Variants in TMEM135 observed in about 807,000 individuals in gnomAD.
TMEM135 encodes transmembrane protein 135.
TMEM135 carries 30 observed loss-of-function variants against 60.3 expected under a neutral mutation model. The observed-to-expected ratio is 0.50, with a 90% CI of 0.37 to 0.68. The LOEUF is 0.68. Among genes scored for constraint, TMEM135 ranks in the 30% least tolerant of loss-of-function variants. The probability of loss-of-function intolerance (pLI) is 0.00; values close to 1 mark genes in which losing one functional copy is unlikely to be tolerated. For missense variants in TMEM135, 468 were observed against 548.8 expected, an observed-to-expected ratio of 0.85 and a Z score of 1.47; for synonymous variants, 190 against 186.7, an observed-to-expected ratio of 1.02 and a Z score of -0.14.
At chr11:87,313,327 G>C in intron 10 of TMEM135, 98 bp from the exon 11 acceptor site, 1 of 981,782 alleles carries the variant, frequency 1.0e-6, no homozygotes, top group Non-Finnish European at 1.6e-6. Context: ...TGGCCTGCAA[G>C]GTAATCTGAT....
At chr11:87,170,212 C>A (rs993392220) in intron 5 of TMEM135, among the ~76,000 whole-genome samples, 2 of 152,108 alleles carry the variant, frequency 1.3e-5, no homozygotes, top group African/African-American at 4.8e-5. Context: ...TTTTTAGCTT[C>A]CTTGCATTGG....
intron 5 of TMEM135, among the ~76,000 whole-genome samples, chr11:87,208,246 T>C (rs906518677): frequency 6.6e-6 from 1 of 152,136 alleles, no homozygotes; most frequent in African/African-American, 2.4e-5. Context: ...ATGTCAGACA[T>C]AGAATTCAGA....
chr11:87,061,022 A>C (rs1949941642), intron 1 of TMEM135, among the ~76,000 whole-genome samples: 1 of 152,152 alleles, frequency 6.6e-6, no homozygotes, highest in African/African-American at 2.4e-5. Flanking sequence ...GGAGATTGAA[A>C]TCTAAAGAGC....
At chr11:87,185,935 G>A (rs1468467273) in intron 5 of TMEM135, among the ~76,000 whole-genome samples, 1 of 81,688 alleles carries the variant, frequency 1.2e-5, no homozygotes, top group East Asian at 2.4e-4. Flanking sequence ...TGAGACAGAG[G>A]TTCATTCTGT....
intron 4 of TMEM135, among the ~76,000 whole-genome samples, chr11:87,145,032 G>A (rs1261713950): frequency 6.6e-6 from 1 of 152,024 alleles, no homozygotes; most frequent in Non-Finnish European, 1.5e-5. Context: ...TCACCATGTA[G>A]TGCAATAGTA....
At chr11:87,172,412 A>G (rs520755) in intron 5 of TMEM135, among the ~76,000 whole-genome samples, 55,930 of 151,528 alleles carry the variant, frequency 0.37, 10,855 homozygotes, top group East Asian at 0.67. Context: ...TTAGCAAGAA[A>G]GAAAAGTAGG....
chr11:87,088,035 G>T (rs1179397455), intron 3 of TMEM135, among the ~76,000 whole-genome samples: 1 of 152,124 alleles, frequency 6.6e-6, no homozygotes, highest in African/African-American at 2.4e-5. Context: ...ACCACACCTG[G>T]TTCAGATGAG....
chr11:87,328,210 A>G lies in TMEM135; in HGVS notation c.*6877A>G, dbSNP rs538526065. 1.1e-5 allele frequency: 5 copies of G among 454,036 alleles called. No individual in the cohort carries two copies. The highest frequency in any genetic ancestry group is 1.0e-4 in the African/African-American group (5 of 50,086). The allele number at this position is 454,036 out of a possible 1,614,324, so 28.1% of individuals were successfully genotyped here. A position where few individuals can be genotyped will look rare whatever the true frequency, so the allele number is the denominator to read the frequency against. On this transcript the variant is annotated 3_prime_UTR_variant, in exon 15 of 15. Coordinates refer to ENST00000305494, the MANE Select transcript of TMEM135 (RefSeq NM_022918.4). ...AGATCTCAGTTTCATTTCCCATTATATCCTTCTCTCTCTTGATTTAGAATT... is the reference window on the plus strand; with the variant it reads ...AGATCTCAGTTTCATTTCCCATTATGTCCTTCTCTCTCTTGATTTAGAATT...
At chr11:87,166,821 G>T (rs3021351) in intron 5 of TMEM135, among the ~76,000 whole-genome samples, 1 of 151,794 alleles carries the variant, frequency 6.6e-6, no homozygotes, top group African/African-American at 2.4e-5. Context: ...ATTTAAAGTA[G>T]TTTTTTCTAA....
intron 3 of TMEM135, among the ~76,000 whole-genome samples, chr11:87,077,759 A>T (rs1423430385): frequency 6.6e-6 from 1 of 152,144 alleles, no homozygotes; most frequent in African/African-American, 2.4e-5. Flanking sequence ...CTAATCCTTC[A>T]TCCTCCTCAC....
intron 4 of TMEM135, among the ~76,000 whole-genome samples, chr11:87,116,614 AACACACACAC>A (rs200638026): frequency 1.5e-5 from 2 of 130,026 alleles, no homozygotes; most frequent in African/African-American, 5.5e-5. Context: ...TATATGTACA[AACACACACAC>A]ACACATACAC....
intron 14 of TMEM135, 31 bp downstream of exon 14, chr11:87,319,408 T>A (rs773620361): frequency 7.4e-6 from 11 of 1,477,250 alleles, no homozygotes; most frequent in Non-Finnish European, 1.0e-5. Context: ...CTTAAAAATA[T>A]TATGAGTGGT....
intron 6 of TMEM135, among the ~76,000 whole-genome samples, chr11:87,251,282 T>A (rs1165374513): frequency 1.3e-5 from 2 of 152,112 alleles, no homozygotes; most frequent in Non-Finnish European, 2.9e-5. Flanking sequence ...AGAAAAAGTG[T>A]TCCAAGTATG....
intron 13 of TMEM135, chr11:87,319,030 G>C: frequency 3.0e-6 from 1 of 334,164 alleles, no homozygotes; most frequent in Non-Finnish European, 5.6e-6. Flanking sequence ...CACCACGCCT[G>C]GCTAATTTTT....
intron 1 of TMEM135, among the ~76,000 whole-genome samples, chr11:87,040,591 G>A (rs1184195008): frequency 1.3e-5 from 2 of 152,006 alleles, no homozygotes; most frequent in African/African-American, 2.4e-5. Flanking sequence ...GAACCTGGGA[G>A]GTGGAGGTTG....
At chr11:87,222,181 C>CA (rs386374401) in intron 5 of TMEM135, among the ~76,000 whole-genome samples, 1,728 of 55,196 alleles carry the variant, frequency 0.031, 112 homozygotes, top group African/African-American at 0.084. Context: ...GACTCTGTCT[C>CA]AAAAAAAAAA....
At chr11:87,063,451 TA>T (rs1949968125) in intron 1 of TMEM135, among the ~76,000 whole-genome samples, 1 of 152,252 alleles carries the variant, frequency 6.6e-6, no homozygotes, top group East Asian at 1.9e-4. Context: ...AGGTATCTGA[TA>T]TCTGATGATT....
At chr11:87,117,096 C>T (rs1282849928) in intron 4 of TMEM135, among the ~76,000 whole-genome samples, 3 of 152,072 alleles carry the variant, frequency 2.0e-5, no homozygotes, top group Non-Finnish European at 2.9e-5. Flanking sequence ...GCTGAGATTA[C>T]AGGCGTGAGC....
At chr11:87,123,178 A>T (rs1041062903) in intron 4 of TMEM135, among the ~76,000 whole-genome samples, 1 of 152,222 alleles carries the variant, frequency 6.6e-6, no homozygotes, top group African/African-American at 2.4e-5. Context: ...GTAACAAATT[A>T]TCACAAACGT....
Sources: allele counts gnomAD v4.1 joint callset (sites outside exome capture counted in the v4.1 genomes callset), GRCh38; gene constraint gnomAD v4.1.1; transcripts MANE v1.5; gene names NCBI Gene and HGNC (gene_info 2026-07-23, HGNC 2026-07-21).